The following C4BPA variants were observed in gnomAD, a reference collection of about 807,000 sequenced individuals.
C4BPA encodes the protein complement component 4 binding protein alpha.
C4BPA carries 31 observed loss-of-function variants against 63.7 expected under a neutral mutation model. That is an observed-to-expected ratio of 0.49 (90% CI 0.37 to 0.66). C4BPA has a LOEUF of 0.66. Among genes scored for constraint, C4BPA ranks in the 30% least tolerant of loss-of-function variants. The pLI is 0.00. For synonymous variants in C4BPA, 259 were observed against 254.7 expected (o/e 1.02, Z -0.16); for missense variants, 572 against 723.3 (o/e 0.79, Z 2.40).
At chr1:207,106,852 C>T (rs956189175) in intron 1 of C4BPA, among the ~76,000 whole-genome samples, 5 of 152,160 alleles carry the variant, frequency 3.3e-5, no homozygotes, top group African/African-American at 1.2e-4. Flanking sequence ...TCTTCCTCTG[C>T]ATCTGCAAAA....
At chr1:207,111,543 T>C (rs1684668134) in intron 1 of C4BPA, among the ~76,000 whole-genome samples, 1 of 152,080 alleles carries the variant, frequency 6.6e-6, no homozygotes, top group African/African-American at 2.4e-5. Context: ...AATGAAGAAA[T>C]TAGACCCCAC....
rs1209481337 is a variant in C4BPA, at chr1:207,124,369, A to C, written c.706+3A>C. 1 of 1,597,800 alleles carries C rather than the reference A, an allele frequency of 6.3e-7. No individual in the cohort carries two copies. Among genetic ancestry groups the C allele is most frequent in the Non-Finnish European group, 8.6e-7 (1 of 1,166,562 alleles). On this transcript the variant is annotated splice_donor_region_variant and intron_variant, in intron 6 of 11. Coordinates refer to ENST00000367070, the MANE Select transcript of C4BPA (RefSeq NM_000715.4). ...ACCAAGCCCTCCTACCTGTGAAAGTAAGTCATAATGATGAATTCTGCATCA... is the reference window on the plus strand; with the variant it reads ...ACCAAGCCCTCCTACCTGTGAAAGTCAGTCATAATGATGAATTCTGCATCA...
chr1:207,140,509 T>G (rs1043970841), intron 9 of C4BPA, among the ~76,000 whole-genome samples: 2 of 152,166 alleles, frequency 1.3e-5, no homozygotes, highest in Non-Finnish European at 2.9e-5. Flanking sequence ...GCTTTTTTTT[T>G]TTTTTTTAAC....
At chr1:207,133,889 T>G (rs926656393) in intron 8 of C4BPA, among the ~76,000 whole-genome samples, 1 of 152,230 alleles carries the variant, frequency 6.6e-6, no homozygotes, top group African/African-American at 2.4e-5. Context: ...TCTTCTTCCT[T>G]GTGACTTGAG....
intron 4 of C4BPA, among the ~76,000 whole-genome samples, chr1:207,123,213 T>C (rs1271581856): frequency 6.6e-6 from 1 of 152,180 alleles, no homozygotes; most frequent in African/African-American, 2.4e-5. Flanking sequence ...AAGAAATACT[T>C]AATTGTAGTT....
chr1:207,124,597 GCAA>G, intron 6 of C4BPA, among the ~76,000 whole-genome samples: 1 of 152,296 alleles, frequency 6.6e-6, no homozygotes, highest in East Asian at 1.9e-4. Context: ...GGAACAAACA[GCAA>G]CAACATCTCA....
Position 207,131,690 on chromosome 1 carries a change from C to G in C4BPA, c.1034C>G (p.Thr345Ser), listed in dbSNP as rs770240007. 1 of 1,613,732 alleles carries G rather than the reference C, an allele frequency of 6.2e-7. No homozygotes were observed. The highest frequency in any genetic ancestry group is 8.5e-7 in the Non-Finnish European group (1 of 1,179,910). Reference sequence around the variant, plus strand: ...AAACCCACTACAGATGAGCCTACGACTGTGATTTGTCAGAAAAATTTGAGA... The same window carrying G: ...AAACCCACTACAGATGAGCCTACGAGTGTGATTTGTCAGAAAAATTTGAGA... ...GYKPTTDEPTTVICQKNLRWT... is the reference protein window; with the variant it reads ...GYKPTTDEPTSVICQKNLRWT... Residue 345 changes from threonine (T) to serine (S), a missense_variant, in exon 8 of 12, where the codon ACT (threonine) becomes AGT (serine). Physicochemically the swap from Thr to Ser is moderately conservative, Grantham distance 58 (BLOSUM62 1). Transcript: ENST00000367070.
At position 207,115,459 on chromosome 1, in the gene C4BPA, A is replaced by G. The variant is rs749846752; in HGVS notation, c.372A>G (p.Val124=). 4 of 1,600,454 alleles carry G rather than the reference A, an allele frequency of 2.5e-6. No individual in the cohort carries two copies. In the East Asian group the frequency reaches 6.8e-5, roughly 27 times the overall value. Reference sequence around the variant, plus strand: ...CAGGAGAGTTACGTAATGGGCAAGTAGAGATTAAGACAGATTTATCTTTTG... The same window carrying G: ...CAGGAGAGTTACGTAATGGGCAAGTGGAGATTAAGACAGATTTATCTTTTG... ...RHPGELRNGQ[V]EIKTDLSFGS... is the part of the protein sequence containing the mutation. Residue 124 remains valine (V), a synonymous_variant, in exon 4 of 12, where the codon GTA becomes GTG. Transcript: ENST00000367070.
rs1572804482 is a variant in C4BPA, at chr1:207,144,835, T to C, written c.*118T>C. On this transcript the variant is annotated 3_prime_UTR_variant, in exon 12 of 12. Transcript: ENST00000367070. ...AGTGATATTCATCATAATAAATATC[T>C]AGAAATGATAATTTGCTAAAGTTTA... is the stretch of plus-strand genomic sequence containing the variant. 7.6e-6 allele frequency: 4 copies of C among 525,512 alleles called. No individual in the cohort carries two copies. The highest frequency in any genetic ancestry group is 9.4e-6 in the Non-Finnish European group (3 of 319,974). 32.6% of individuals were successfully genotyped at this position (525,512 alleles called of 1,614,324 possible).
chr1:207,129,535 T>C (rs1435845194), intron 7 of C4BPA, among the ~76,000 whole-genome samples: 1 of 151,650 alleles, frequency 6.6e-6, no homozygotes, highest in Non-Finnish European at 1.5e-5. Context: ...ATAATCAAAA[T>C]GTTGAAAACC....
intron 8 of C4BPA, among the ~76,000 whole-genome samples, chr1:207,132,673 C>T (rs1189126979): frequency 4.6e-5 from 7 of 151,964 alleles, no homozygotes; most frequent in African/African-American, 9.7e-5. Flanking sequence ...TAAAACTTAC[C>T]GCCATTACTT....
At chr1:207,127,387 A>G (rs1165088478) in intron 7 of C4BPA, 1 of 152,278 alleles carries the variant, frequency 6.6e-6, no homozygotes, top group Non-Finnish European at 1.5e-5. Context: ...TGACAATAGT[A>G]ATAATGATAA....
intron 1 of C4BPA, 186 bp from the exon 2 acceptor site, chr1:207,112,815 C>T (rs925555744): frequency 3.8e-6 from 2 of 522,996 alleles, no homozygotes; most frequent in Admixed American, 8.2e-5. Context: ...CTTCTGAGCT[C>T]ACAGCTTCTG....
intron 7 of C4BPA, among the ~76,000 whole-genome samples, chr1:207,129,354 A>G (rs1319349110): frequency 6.6e-6 from 1 of 151,434 alleles, no homozygotes; most frequent in Non-Finnish European, 1.5e-5. Context: ...TGAGAGAAAG[A>G]GAAAGGAGAT....
chr1:207,126,132 T>G (rs1572787538), intron 6 of C4BPA, among the ~76,000 whole-genome samples: 1 of 152,060 alleles, frequency 6.6e-6, no homozygotes, highest in African/African-American at 2.4e-5. Context: ...ATGACTGATT[T>G]TTATTGGTAG....
rs1558086901 is a variant in C4BPA at position 207,112,954 on chromosome 1, C to T, written c.-25-47C>T. The T allele has an allele frequency of 2.7e-6, 4 of 1,481,116 alleles. No individual in the cohort carries two copies. In the East Asian group the frequency reaches 7.1e-5, roughly 26 times the overall value. The allele number at this position is 1,481,116 out of a possible 1,614,324, so 91.7% of individuals were successfully genotyped here. On this transcript the variant is annotated intron_variant, in intron 1 of 11. Transcript: ENST00000367070. ...TAACATTTATTCTAGTGCTTTATGA[C>T]AAGTTGGAATTCAATGACTATTTAT...
At chr1:207,115,394 A>G (rs1474287609) in intron 3 of C4BPA, 22 bp from the exon 4 acceptor site, 1 of 1,358,240 alleles carries the variant, frequency 7.4e-7, no homozygotes, top group Admixed American at 1.9e-5. Context: ...AGTACTAATC[A>G]TCATTTAAAT....
Position 207,141,275 on chromosome 1 carries a change from A to G in C4BPA, c.1443A>G (p.Lys481=). Residue 481 remains lysine, a splice_region_variant and synonymous_variant, in exon 10 of 12, where the codon AAA becomes AAG. Transcript: ENST00000367070. Reference sequence around the variant, plus strand: ...GGTCAGCTCCAGCCCCTCAATGTAAAGGTAACTCCAGCTTCCTTTTCAGCT... The same window carrying G: ...GGTCAGCTCCAGCCCCTCAATGTAAGGGTAACTCCAGCTTCCTTTTCAGCT... ...SHWSAPAPQC[K]ALCRKPELVN... The G allele has an allele frequency of 6.2e-7, 1 of 1,611,408 alleles. No homozygotes were observed. The highest frequency in any genetic ancestry group is 8.5e-7 in the Non-Finnish European group (1 of 1,179,178).
chr1:207,121,515 G>A (rs1164870490), intron 4 of C4BPA, among the ~76,000 whole-genome samples: 1 of 151,804 alleles, frequency 6.6e-6, no homozygotes, highest in Admixed American at 6.6e-5. Flanking sequence ...ACACTTTTAG[G>A]TTTGTCTCCT....
Sources: gnomAD v4.1 joint callset for allele counts (sites outside exome capture counted in the v4.1 genomes callset) on GRCh38, gnomAD v4.1.1 for gene constraint, MANE v1.5 for transcripts, NCBI Gene and HGNC (gene_info 2026-07-23, HGNC 2026-07-21) for gene names.